The following MARCHF1 variants were observed in gnomAD, a reference collection of about 807,000 sequenced individuals.
The protein encoded by MARCHF1 is membrane associated ring-CH-type finger 1.
MARCHF1 carries 40 observed loss-of-function variants against 54.2 expected under a neutral mutation model. The observed-to-expected ratio is 0.74, with a 90% CI of 0.57 to 0.96. MARCHF1 has a LOEUF of 0.96. Among genes scored for constraint, MARCHF1 ranks in the 40% least tolerant of loss-of-function variants. MARCHF1 has a pLI of 0.00. For synonymous variants in MARCHF1, 236 were observed against 236.3 expected (o/e 1.00, Z 0.01); for missense variants, 586 against 656.5 (o/e 0.89, Z 1.17).
intron 3 of MARCHF1, among the ~76,000 whole-genome samples, chr4:163,936,611 A>G (rs1258522011): frequency 6.6e-6 from 1 of 152,124 alleles, no homozygotes; most frequent in East Asian, 1.9e-4. Flanking sequence ...GTGACCTGGG[A>G]CTGAGGCCTC....
chr4:164,227,305 C>A (rs1230840452), intron 1 of MARCHF1, among the ~76,000 whole-genome samples: 1 of 152,052 alleles, frequency 6.6e-6, no homozygotes, highest in Non-Finnish European at 1.5e-5. Context: ...GAAGCCCACT[C>A]ATTATCACAA....
Position 163,579,286 on chromosome 4 carries a change from G to T in MARCHF1, c.1191+6463C>A, listed in dbSNP as rs1263229438. ...GTTGAAATATCAATTGTACTTCTAA[G>T]AGCAAGAATTGCACTTCTAAGAGTT... On this transcript the variant is annotated intron_variant, in intron 8 of 9. Coordinates refer to ENST00000514618, the MANE Select transcript of MARCHF1 (RefSeq NM_001394959.1). Among the ~76,000 whole-genome samples the T allele has an allele frequency of 3.9e-5, 6 of 152,022 alleles. No individual in the cohort carries two copies. In the East Asian group the frequency reaches 9.6e-4, roughly 24 times the overall value.
intron 2 of MARCHF1, among the ~76,000 whole-genome samples, chr4:164,010,176 C>T (rs773735017): frequency 2.0e-5 from 3 of 150,772 alleles, no homozygotes; most frequent in Non-Finnish European, 2.9e-5. Flanking sequence ...AAGCGATTCT[C>T]CTGCCTCAGC....
chr4:163,997,487 A>C (rs967088644), intron 2 of MARCHF1, among the ~76,000 whole-genome samples: 6 of 152,064 alleles, frequency 3.9e-5, no homozygotes, highest in Non-Finnish European at 8.8e-5. Flanking sequence ...TTAATGTTCA[A>C]GTGGGAGATA....
intron 1 of MARCHF1, among the ~76,000 whole-genome samples, chr4:164,182,738 T>A (rs2111019007): frequency 6.6e-6 from 1 of 152,148 alleles, no homozygotes; most frequent in Non-Finnish European, 1.5e-5. Flanking sequence ...TACACAGTGA[T>A]GCTCAATATA....
intron 1 of MARCHF1, among the ~76,000 whole-genome samples, chr4:164,143,805 C>A (rs149893753): frequency 9.2e-5 from 14 of 151,910 alleles, no homozygotes; most frequent in Admixed American, 5.2e-4. Context: ...ATGACAGGAT[C>A]AAATTCACAC....
chr4:163,574,498 G>T (rs1175659501), intron 8 of MARCHF1, among the ~76,000 whole-genome samples: 2 of 147,800 alleles, frequency 1.4e-5, no homozygotes, highest in South Asian at 4.5e-4. Flanking sequence ...TGTATAAGGT[G>T]TAAGGAAGGG....
chr4:164,271,302 C>A (rs986181137), intron 1 of MARCHF1, among the ~76,000 whole-genome samples: 7 of 152,130 alleles, frequency 4.6e-5, no homozygotes, highest in Non-Finnish European at 8.8e-5. Flanking sequence ...AGTCTAATCA[C>A]ATGAGTTCTT....
chr4:164,379,433 G>A (rs1413671788), intron 1 of MARCHF1, among the ~76,000 whole-genome samples: 3 of 152,128 alleles, frequency 2.0e-5, no homozygotes, highest in Non-Finnish European at 4.4e-5. Context: ...CAGACACAAT[G>A]AAGTAGAGCT....
intron 7 of MARCHF1, among the ~76,000 whole-genome samples, chr4:163,596,746 C>A (rs1276053275): frequency 6.6e-6 from 1 of 151,908 alleles, no homozygotes; most frequent in Non-Finnish European, 1.5e-5. Flanking sequence ...TGAGATAGTT[C>A]AATGAATAAT....
chr4:163,637,379 T>C (rs1054157826), intron 5 of MARCHF1, among the ~76,000 whole-genome samples: 1 of 151,782 alleles, frequency 6.6e-6, no homozygotes, highest in Admixed American at 6.6e-5. Context: ...GAATCTACAA[T>C]GAACTCAAAC....
At chr4:163,816,952 G>T (rs1485183368) in intron 4 of MARCHF1, among the ~76,000 whole-genome samples, 1 of 151,976 alleles carries the variant, frequency 6.6e-6, no homozygotes, top group Non-Finnish European at 1.5e-5. Flanking sequence ...GGAAAATGAG[G>T]TTCAACCTAA....
intron 1 of MARCHF1, among the ~76,000 whole-genome samples, chr4:164,312,309 TTTTC>T (rs1436226270): frequency 1.3e-3 from 164 of 130,512 alleles, no homozygotes; most frequent in African/African-American, 4.1e-3. Context: ...CTGTGAATTA[TTTTC>T]TTTTTCTTTT....
At chr4:163,656,254 A>G (rs541159917) in intron 5 of MARCHF1, among the ~76,000 whole-genome samples, 1 of 152,140 alleles carries the variant, frequency 6.6e-6, no homozygotes, top group Admixed American at 6.6e-5. Context: ...ACTACAAACA[A>G]CCATCAGGGA....
At chr4:164,021,097 T>C (rs191235181) in intron 2 of MARCHF1, among the ~76,000 whole-genome samples, 16,968 of 130,354 alleles carry the variant, frequency 0.13, 1,100 homozygotes, top group South Asian at 0.25. Context: ...TTTTTTTTTT[T>C]CCCTGTAGTG....
At chr4:163,882,072 T>C (rs1379700912) in intron 3 of MARCHF1, among the ~76,000 whole-genome samples, 5 of 152,202 alleles carry the variant, frequency 3.3e-5, no homozygotes, top group African/African-American at 9.7e-5. Context: ...TATTTTCCTT[T>C]TCTAAAGGGC....
intron 3 of MARCHF1, among the ~76,000 whole-genome samples, chr4:163,897,626 A>C (rs1008903237): frequency 1.3e-5 from 2 of 152,170 alleles, no homozygotes; most frequent in African/African-American, 4.8e-5. Context: ...GGGAAAGAAC[A>C]CACTATTCAA....
chr4:163,556,567 C>G (rs564501670), intron 8 of MARCHF1, among the ~76,000 whole-genome samples: 1 of 150,098 alleles, frequency 6.7e-6, no homozygotes, highest in South Asian at 2.1e-4. Context: ...TTTTTTTACT[C>G]TCGAGAGTCT....
chr4:164,344,211 C>G (rs1359174937), intron 1 of MARCHF1, among the ~76,000 whole-genome samples: 6 of 152,016 alleles, frequency 3.9e-5, no homozygotes. Context: ...CAGCAGACAC[C>G]AGGACCTACT....
Sources: allele counts gnomAD v4.1 joint callset (sites outside exome capture counted in the v4.1 genomes callset), GRCh38; gene constraint gnomAD v4.1.1; transcripts MANE v1.5; gene names NCBI Gene and HGNC (gene_info 2026-07-23, HGNC 2026-07-21).